Variants in P4HB observed in about 807,000 individuals in gnomAD.
P4HB encodes protein disulfide-isomerase.
P4HB carries 20 observed loss-of-function variants against 52.6 expected under a neutral mutation model. The observed-to-expected ratio is 0.38, with a 90% confidence interval of 0.27 to 0.55. The LOEUF (loss-of-function observed/expected upper bound fraction) is 0.55, where lower values mean the gene tolerates loss of function less well. Ranked by LOEUF, P4HB falls within the 20% of genes least tolerant of loss-of-function variation. P4HB has a pLI of 0.74. For missense variants in P4HB, 601 were observed against 669.2 expected (o/e 0.90, Z 1.12); for synonymous variants, 296 against 277.9 (o/e 1.07, Z -0.65).
rs1397547676 is a variant in P4HB at position 81,847,026 on chromosome 17, A to T, written c.776T>A (p.Leu259Gln). 2 of 1,614,086 alleles carry T rather than the reference A, an allele frequency of 1.2e-6. No homozygotes were observed. ...GTCAGACACACTCTTGGGCAAGAAC[A>T]GCAGGATGTGAGTCTTGATTTCACC... The part of the protein sequence containing the change: ...FGGEIKTHIL[L>Q]FLPKSVSDYD... The change falls in exon 6 of 11, where the codon CTG becomes CAG. Residue 259 changes from leucine to glutamine, a missense_variant. By Grantham distance (113) the Leu-to-Gln change is moderately radical. Coordinates refer to ENST00000331483, the MANE Select transcript of P4HB (RefSeq NM_000918.4).
Position 81,855,166 on chromosome 17 carries a change from T to C in P4HB, c.600A>G (p.Lys200=), listed in dbSNP as rs202011395. The C allele has an allele frequency of 1.2e-6, 2 of 1,614,146 alleles. No homozygotes were observed. Among genetic ancestry groups the C allele is most frequent in the Non-Finnish European group, 1.7e-6 (2 of 1,180,020 alleles). Residue 200 remains lysine, a synonymous_variant, in exon 4 of 11, where the codon AAA becomes AAG. Transcript: ENST00000331483. This position sits in a 1 kb window ranked among gnomAD's most constrained non-coding sequence, Gnocchi z 4.3. ...SDVFSKYQLD[K]DGVVLFKKFD... is the part of the protein sequence containing the mutation. ...CCTTCTTAAAGAGGACAACCCCATCTTTGTCGAGCTGGTATTTGGAGAACA... is the reference window on the plus strand; with the variant it reads ...CCTTCTTAAAGAGGACAACCCCATCCTTGTCGAGCTGGTATTTGGAGAACA...
At position 81,843,470 on chromosome 17, in the gene P4HB, C is replaced by G; in HGVS notation, c.*542G>C. 1 of 400,548 alleles carries G rather than the reference C, an allele frequency of 2.5e-6. No individual in the cohort carries two copies. Among genetic ancestry groups the G allele is most frequent in the East Asian group, 3.6e-5 (1 of 28,100 alleles). The allele number at this position is 400,548 out of a possible 1,614,324, so 24.8% of individuals were successfully genotyped here. A position where few individuals can be genotyped will look rare whatever the true frequency, so the allele number is the denominator to read the frequency against. On this transcript the variant is annotated 3_prime_UTR_variant, in exon 11 of 11. Coordinates refer to ENST00000331483, the MANE Select transcript of P4HB (RefSeq NM_000918.4). ...GGCATGGGGGACACCCTGACAGGAT[C>G]CGGAAGTCTCCATTTACCCAAAAAT... is the stretch of plus-strand genomic sequence containing the variant.
chr17:81,859,234 G>T lies in P4HB; in HGVS notation c.299C>A (p.Pro100His). 1 of 1,614,032 alleles carries T rather than the reference G, an allele frequency of 6.2e-7. No individual in the cohort carries two copies. Among genetic ancestry groups the T allele is most frequent in the Non-Finnish European group, 8.5e-7 (1 of 1,180,016 alleles). Residue 100 changes from proline (P) to histidine (H), a missense_variant, in exon 2 of 11, where the codon CCC becomes CAC. Pro to His is a moderately conservative substitution (Grantham distance 77). Coordinates refer to ENST00000331483, the MANE Select transcript of P4HB (RefSeq NM_000918.4). Reference sequence around the variant, plus strand: ...TCCATTCCTGAAGAACTTGATGGTGGGATAGCCGCGCACGCCGTACTGCTG... The same window carrying T: ...TCCATTCCTGAAGAACTTGATGGTGTGATAGCCGCGCACGCCGTACTGCTG... The part of the protein sequence containing the change: ...LAQQYGVRGY[P>H]TIKFFRNGDT...
chr17:81,852,849 G>A (rs2038853419), intron 4 of P4HB, among the ~76,000 whole-genome samples: 1 of 152,254 alleles, frequency 6.6e-6, no homozygotes, highest in Non-Finnish European at 1.5e-5. Context: ...GGAGCTGTGG[G>A]CTGTGTGACA....
At chr17:81,848,836 C>T (rs2038781619) in intron 4 of P4HB, among the ~76,000 whole-genome samples, 2 of 143,146 alleles carry the variant, frequency 1.4e-5, no homozygotes, top group African/African-American at 2.6e-5. Context: ...CTTGAGTTCA[C>T]GAGTTTGGGA....
At position 81,846,319 on chromosome 17, in the gene P4HB, T is replaced by G; in HGVS notation, c.1056+110A>C. The G allele has an allele frequency of 9.7e-7, 1 of 1,028,860 alleles. No individual in the cohort carries two copies. Among genetic ancestry groups the G allele is most frequent in the South Asian group, 1.4e-5 (1 of 72,358 alleles). 63.7% of individuals were successfully genotyped at this position (1,028,860 alleles called of 1,614,324 possible). On this transcript the variant is annotated intron_variant, in intron 7 of 10. Transcript: ENST00000331483. This position sits in a 1 kb window ranked among gnomAD's most constrained non-coding sequence, Gnocchi z 5.7. ...CACACCATCTTGGGCTCCGTCCTCTTACTCTGAAGATCTTACTTTGAGGAC... is the reference window on the plus strand; with the variant it reads ...CACACCATCTTGGGCTCCGTCCTCTGACTCTGAAGATCTTACTTTGAGGAC...
chr17:81,844,196 G>A (rs952427185), intron 10 of P4HB, 104 bp from the exon 11 acceptor site: 62 of 836,830 alleles, frequency 7.4e-5, no homozygotes, highest in Admixed American at 2.1e-4. Flanking sequence ...AGCCGGCCAC[G>A]GCGGACATGG....
Position 81,860,382 on chromosome 17 carries a change from C to G in P4HB, c.90G>C (p.Arg30=), listed in dbSNP as rs569236699. 4.7e-6 allele frequency: 7 copies of G among 1,474,050 alleles called. No individual in the cohort carries two copies. The South Asian group carries it at 6.6e-5, about 14-fold the overall frequency. The allele number at this position is 1,474,050 out of a possible 1,614,324, so 91.3% of individuals were successfully genotyped here. A position where few individuals can be genotyped will look rare whatever the true frequency, so the allele number is the denominator to read the frequency against. ...CCAGCGCCTCCGCGAAGTTGCTTTTCCGCAGCACCAGGACGTGGTCCTCCT... is the reference window on the plus strand; with the variant it reads ...CCAGCGCCTCCGCGAAGTTGCTTTTGCGCAGCACCAGGACGTGGTCCTCCT... ...PEEEDHVLVL[R]KSNFAEALAA... Residue 30 remains arginine (R), a synonymous_variant, in exon 1 of 11, where the codon CGG becomes CGC. Coordinates refer to ENST00000331483, the MANE Select transcript of P4HB (RefSeq NM_000918.4).
chr17:81,846,173 A>G lies in P4HB; in HGVS notation c.1057-182T>C, dbSNP rs1009809141. On this transcript the variant is annotated intron_variant, in intron 7 of 10. Coordinates refer to ENST00000331483, the MANE Select transcript of P4HB (RefSeq NM_000918.4). This position sits in a 1 kb window ranked among gnomAD's most constrained non-coding sequence, Gnocchi z 5.7. Reference sequence around the variant, plus strand: ...AGGCTGGGCCAGTGGGCTGGGCCCAATGAGCCCACGCAGGCCGCACCCTCG... The same window carrying G: ...AGGCTGGGCCAGTGGGCTGGGCCCAGTGAGCCCACGCAGGCCGCACCCTCG... Among the ~76,000 whole-genome samples, 1 of 152,244 alleles carries G rather than the reference A, an allele frequency of 6.6e-6. No homozygotes were observed. The highest frequency in any genetic ancestry group is 2.1e-4 in the South Asian group (1 of 4,834).
intron 10 of P4HB, among the ~76,000 whole-genome samples, chr17:81,844,374 T>C (rs2038700563): frequency 6.6e-6 from 1 of 152,174 alleles, no homozygotes; most frequent in African/African-American, 2.4e-5. Context: ...CCACTGGGCA[T>C]GGAAGGCGTA....
chr17:81,860,305 G>A (rs1158107565), intron 1 of P4HB, 22 bp downstream of exon 1: 4 of 1,426,638 alleles, frequency 2.8e-6, no homozygotes, highest in South Asian at 1.4e-5. Context: ...AGCCCCGCCC[G>A]CCCGCCAGGC....
intron 10 of P4HB, among the ~76,000 whole-genome samples, 176 bp downstream of exon 10, chr17:81,844,968 C>T (rs568024214): frequency 1.3e-5 from 2 of 152,386 alleles, no homozygotes; most frequent in Admixed American, 1.3e-4. Context: ...TTCAGCAGAG[C>T]ACTGGGAGCA....
chr17:81,844,924 G>A (rs190903795), intron 10 of P4HB, among the ~76,000 whole-genome samples: 52 of 152,374 alleles, frequency 3.4e-4, no homozygotes, highest in South Asian at 1.7e-3. Flanking sequence ...CTTCAACGTC[G>A]TCCCCTAAAG....
chr17:81,851,087 C>A (rs909312187), intron 4 of P4HB, among the ~76,000 whole-genome samples: 1 of 152,096 alleles, frequency 6.6e-6, no homozygotes, highest in African/African-American at 2.4e-5. Context: ...CCCGCCACCA[C>A]GCCCGGCTAA....
rs769237412 is a variant in P4HB, at chr17:81,855,612, A to G, written c.353-26T>C. 1.0e-5 allele frequency: 16 copies of G among 1,604,468 alleles called. No individual in the cohort carries two copies. The East Asian group carries it at 2.0e-4, about 20-fold the overall frequency. On this transcript the variant is annotated intron_variant, in intron 2 of 10. Coordinates refer to ENST00000331483, the MANE Select transcript of P4HB (RefSeq NM_000918.4). This position sits in a 1 kb window ranked among gnomAD's most constrained non-coding sequence, Gnocchi z 4.3. Reference sequence around the variant, plus strand: ...CTAACCCCAAACAAATGTAGGTTCTACTCTCAAACAGGGAGTGCCGCCTGC... The same window carrying G: ...CTAACCCCAAACAAATGTAGGTTCTGCTCTCAAACAGGGAGTGCCGCCTGC...
At position 81,843,368 on chromosome 17, in the gene P4HB, G is replaced by A; in HGVS notation, c.*644C>T. 1 of 397,482 alleles carries A rather than the reference G, an allele frequency of 2.5e-6. No individual in the cohort carries two copies. Among genetic ancestry groups the A allele is most frequent in the Admixed American group, 4.4e-5 (1 of 22,764 alleles). The allele number at this position is 397,482 out of a possible 1,614,324, so 24.6% of individuals were successfully genotyped here. A position where few individuals can be genotyped will look rare whatever the true frequency, so the allele number is the denominator to read the frequency against. ...CACAATGAGCCCACGACAGGAGGAG[G>A]AGCCCTGGCTTGAGGGAAGGGGAAG... On this transcript the variant is annotated 3_prime_UTR_variant, in exon 11 of 11. Coordinates refer to ENST00000331483, the MANE Select transcript of P4HB (RefSeq NM_000918.4).
chr17:81,849,707 G>A (rs1044567148), intron 4 of P4HB, among the ~76,000 whole-genome samples: 1 of 152,220 alleles, frequency 6.6e-6, no homozygotes, highest in African/African-American at 2.4e-5. Flanking sequence ...CTGCAGCTGA[G>A]GATGCGGCCT....
At position 81,860,463 on chromosome 17, in the gene P4HB, G is replaced by C; in HGVS notation, c.9C>G (p.Arg3=). 1 of 1,336,446 alleles carries C rather than the reference G, an allele frequency of 7.5e-7. No individual in the cohort carries two copies. Among genetic ancestry groups the C allele is most frequent in the Non-Finnish European group, 9.6e-7 (1 of 1,040,232 alleles). The allele number at this position is 1,336,446 out of a possible 1,614,324, so 82.8% of individuals were successfully genotyped here. A position where few individuals can be genotyped will look rare whatever the true frequency, so the allele number is the denominator to read the frequency against. ML[R]RALLCLAVAA... ...CCACGGCCAGGCACAGCAGAGCGCG[G>C]CGCAGCATGTCGGACACGGATCAGG... The change falls in exon 1 of 11, where the codon CGC becomes CGG. Residue 3 remains arginine, a synonymous_variant. Coordinates refer to ENST00000331483, the MANE Select transcript of P4HB (RefSeq NM_000918.4).
At chr17:81,848,478 G>A (rs945417712) in intron 4 of P4HB, among the ~76,000 whole-genome samples, 2 of 152,160 alleles carry the variant, frequency 1.3e-5, no homozygotes, top group African/African-American at 4.8e-5. Context: ...GCTCAGGCCT[G>A]TAAGCCCAGC....
Sources: gnomAD v4.1 joint callset for allele counts (sites outside exome capture counted in the v4.1 genomes callset) on GRCh38, gnomAD v4.1.1 for gene constraint, Gnocchi (gnomAD v3.1) non-coding constraint, MANE v1.5 for transcripts, NCBI Gene and HGNC (gene_info 2026-07-23, HGNC 2026-07-21) for gene names.